Variants in ERG observed in about 807,000 individuals in gnomAD.
ERG encodes the protein ETS transcription factor ERG.
In ERG, 9 loss-of-function variants were observed where a neutral mutation model predicts 55.3. That is an observed-to-expected ratio of 0.16 (90% CI 0.10 to 0.28). ERG has a LOEUF of 0.28. Ranked by LOEUF, ERG falls within the 10% of genes least tolerant of loss-of-function variation. The pLI is 1.00. For synonymous variants in ERG, 223 were observed against 237.3 expected (o/e 0.94, Z 0.55); for missense variants, 434 against 631.6 (o/e 0.69, Z 3.35).
chr21:38,429,233 A>G (rs962510984), intron 2 of ERG, among the ~76,000 whole-genome samples: 4 of 151,814 alleles, frequency 2.6e-5, no homozygotes, highest in Admixed American at 1.3e-4. Flanking sequence ...TCATGGGTGC[A>G]TAGTATTCCA....
intron 2 of ERG, among the ~76,000 whole-genome samples, chr21:38,564,956 C>T (rs528728770): frequency 5.3e-5 from 8 of 152,308 alleles, no homozygotes; most frequent in Non-Finnish European, 1.0e-4. Context: ...CTCAACATCA[C>T]AATTTGGATA....
chr21:38,536,255 T>C (rs986012912), intron 2 of ERG, among the ~76,000 whole-genome samples: 1 of 151,766 alleles, frequency 6.6e-6, no homozygotes, highest in African/African-American at 2.4e-5. Flanking sequence ...ACCAGAGTCA[T>C]CAAGCCATAT....
At chr21:38,423,083 TAGTGTGTGTG>T (rs1260148237) in intron 3 of ERG, among the ~76,000 whole-genome samples, 7 of 90,704 alleles carry the variant, frequency 7.7e-5, no homozygotes, top group South Asian at 8.5e-4. Flanking sequence ...TCTCCATACG[TAGTGTGTGTG>T]TGTGTGTGTG....
chr21:38,629,737 C>A (rs2060346150), intron 1 of ERG, among the ~76,000 whole-genome samples: 1 of 152,106 alleles, frequency 6.6e-6, no homozygotes, highest in African/African-American at 2.4e-5. Flanking sequence ...TGTGATCCAG[C>A]AATTATACTT....
At chr21:38,616,887 T>C (rs1208860670) in intron 1 of ERG, among the ~76,000 whole-genome samples, 1 of 152,204 alleles carries the variant, frequency 6.6e-6, no homozygotes, top group East Asian at 1.9e-4. Context: ...GCCAAGGGAT[T>C]CCAACAATGC....
At chr21:38,598,258 C>T (rs2060143747) in intron 1 of ERG, among the ~76,000 whole-genome samples, 1 of 152,210 alleles carries the variant, frequency 6.6e-6, no homozygotes, top group African/African-American at 2.4e-5. Flanking sequence ...ATCAGAATCG[C>T]TGAGGCATTC....
chr21:38,406,085 G>A (rs1350777117), intron 3 of ERG, among the ~76,000 whole-genome samples: 2 of 148,496 alleles, frequency 1.3e-5, no homozygotes, highest in Non-Finnish European at 3.0e-5. Context: ...AACCCGGGAG[G>A]TGGAGCTTGC....
At chr21:38,519,247 G>A (rs1013527182) in intron 2 of ERG, among the ~76,000 whole-genome samples, 9 of 152,110 alleles carry the variant, frequency 5.9e-5, no homozygotes, top group African/African-American at 1.9e-4. Context: ...ATAGGTAAGT[G>A]AACAAAATTT....
intron 1 of ERG, chr21:38,470,986 T>A (rs2059133990): frequency 6.6e-6 from 1 of 152,208 alleles, no homozygotes; most frequent in Non-Finnish European, 1.5e-5. Context: ...GGTTTCTCTG[T>A]CCTCTAGGCA....
At chr21:38,439,922 T>C (rs956104771) in intron 2 of ERG, among the ~76,000 whole-genome samples, 1 of 152,150 alleles carries the variant, frequency 6.6e-6, no homozygotes, top group Non-Finnish European at 1.5e-5. Flanking sequence ...ACTGGATGGA[T>C]AGGGATGGAC....
intron 2 of ERG, among the ~76,000 whole-genome samples, chr21:38,543,666 G>A (rs1314522432): frequency 6.6e-6 from 1 of 151,488 alleles, no homozygotes; most frequent in African/African-American, 2.4e-5. Flanking sequence ...AAAAATAAAA[G>A]AGTAAAGTTA....
intron 1 of ERG, among the ~76,000 whole-genome samples, chr21:38,600,217 C>T (rs1455705204): frequency 6.6e-6 from 1 of 152,090 alleles, no homozygotes; most frequent in African/African-American, 2.4e-5. Context: ...CTGGGGCTGG[C>T]GAAGGTATTA....
At chr21:38,511,756 T>C (rs2059513379) in intron 2 of ERG, among the ~76,000 whole-genome samples, 1 of 152,180 alleles carries the variant, frequency 6.6e-6, no homozygotes, top group Admixed American at 6.5e-5. Flanking sequence ...TTCTCAACCT[T>C]GGCAGCATCA....
intron 3 of ERG, among the ~76,000 whole-genome samples, chr21:38,422,134 G>T (rs1989572723): frequency 6.6e-6 from 1 of 152,248 alleles, no homozygotes; most frequent in Admixed American, 6.5e-5. Flanking sequence ...AGCAATTCCA[G>T]ACGGAAGTGC....
In ERG at chr21:38,460,163, G is replaced by A. The variant is rs559824914; in HGVS notation, c.19-14542C>T. On this transcript the variant is annotated intron_variant, in intron 1 of 9. Transcript: ENST00000288319. The surrounding 1 kb of genome is among the most constrained non-coding windows in gnomAD (Gnocchi z 5.0). ...CTAGAACAAGGCCAGAGTGGACTGCGGGGGCTGCACGAGGAACAATGGGAC... is the reference window on the plus strand; with the variant it reads ...CTAGAACAAGGCCAGAGTGGACTGCAGGGGCTGCACGAGGAACAATGGGAC... 4.6e-5 allele frequency among the ~76,000 whole-genome samples: 7 copies of A among 152,272 alleles called. No homozygotes were observed. The highest frequency in any genetic ancestry group is 1.9e-4 in the East Asian group (1 of 5,164).
Position 38,382,038 on chromosome 21 carries a change from C to T in ERG, c.*1365G>A. ...AGACTCCTGTATAAATCTGATTTGC[C>T]ATGCTAGGCCAAGCTTATTTTATTA... On this transcript the variant is annotated 3_prime_UTR_variant, in exon 10 of 10. Coordinates refer to ENST00000288319, the MANE Select transcript of ERG (RefSeq NM_182918.4). 9.4e-7 allele frequency: 1 copy of T among 1,059,448 alleles called. No individual in the cohort carries two copies. Among genetic ancestry groups the T allele is most frequent in the Non-Finnish European group, 1.1e-6 (1 of 875,424 alleles). The allele number at this position is 1,059,448 out of a possible 1,614,324, so 65.6% of individuals were successfully genotyped here.
chr21:38,604,622 GTA>G (rs1287499533), intron 1 of ERG, among the ~76,000 whole-genome samples: 2 of 152,166 alleles, frequency 1.3e-5, no homozygotes, highest in Non-Finnish European at 2.9e-5. Context: ...AGATATTACA[GTA>G]TGCCTTTCCA....
intron 3 of ERG, among the ~76,000 whole-genome samples, chr21:38,414,589 G>A (rs573226588): frequency 6.6e-6 from 1 of 152,276 alleles, no homozygotes; most frequent in Non-Finnish European, 1.5e-5. Context: ...ACCACATGAA[G>A]TAGGAATTAT....
At chr21:38,543,355 G>GT (rs60845917) in intron 2 of ERG, among the ~76,000 whole-genome samples, 6,248 of 61,566 alleles carry the variant, frequency 0.1, 321 homozygotes, top group South Asian at 0.25. Context: ...GTATATGTGT[G>GT]TTTTTTTTTA....
Sources: gnomAD v4.1 joint callset for allele counts (sites outside exome capture counted in the v4.1 genomes callset) on GRCh38, gnomAD v4.1.1 for gene constraint, Gnocchi (gnomAD v3.1) non-coding constraint, MANE v1.5 for transcripts, NCBI Gene and HGNC (gene_info 2026-07-23, HGNC 2026-07-21) for gene names.